The following USP54 variants were observed in gnomAD, a reference collection of about 807,000 sequenced individuals.
The protein encoded by USP54 is ubiquitin specific peptidase 54.
Under a neutral mutation model 170.5 loss-of-function variants are expected in USP54, and 87 were observed. The observed-to-expected ratio is 0.51, with a 90% CI of 0.43 to 0.61. The LOEUF is 0.61. USP54 is among the 20% of genes least tolerant of loss of function. USP54 has a pLI of 0.00. For missense variants in USP54, 1,786 were observed against 2,047.8 expected (o/e 0.87, Z 2.47); for synonymous variants, 655 against 742.8 (o/e 0.88, Z 1.92).
intron 1 of USP54, among the ~76,000 whole-genome samples, chr10:73,625,274 T>A (rs2081435260): frequency 6.7e-6 from 1 of 148,214 alleles, no homozygotes. Flanking sequence ...CTACTCGTAG[T>A]TTCTCAGCGA....
intron 4 of USP54, among the ~76,000 whole-genome samples, chr10:73,570,144 T>C (rs1259124173): frequency 6.6e-6 from 1 of 151,968 alleles, no homozygotes; most frequent in African/African-American, 2.4e-5. Flanking sequence ...CAAAAATGAC[T>C]GTGGAAGCTT....
chr10:73,550,114 G>A (rs1196948530), intron 4 of USP54, among the ~76,000 whole-genome samples: 1 of 152,088 alleles, frequency 6.6e-6, no homozygotes, highest in African/African-American at 2.4e-5. Flanking sequence ...AGTAGAGGCC[G>A]GGTTTTGCTA....
At chr10:73,563,365 T>C (rs1286100211) in intron 4 of USP54, among the ~76,000 whole-genome samples, 2 of 152,162 alleles carry the variant, frequency 1.3e-5, no homozygotes, top group Non-Finnish European at 2.9e-5. Flanking sequence ...TCAGGGGTTA[T>C]TTGGGTTTCC....
chr10:73,500,614 T>C (rs763712222), intron 23 of USP54, 41 bp downstream of exon 23: 2 of 1,544,442 alleles, frequency 1.3e-6, no homozygotes, highest in South Asian at 1.2e-5. Context: ...CCTGAAAAGG[T>C]ACCAAATTCT....
Position 73,516,950 on chromosome 10 carries a change from A to G in USP54, c.3476T>C (p.Leu1159Pro). 1 of 1,614,186 alleles carries G rather than the reference A, an allele frequency of 6.2e-7. No individual in the cohort carries two copies. The highest frequency in any genetic ancestry group is 1.3e-5 in the African/African-American group (1 of 75,030). ...ATCAGAAGGGGAAGAGTTCTTCCTT[A>G]GACTACCTGACAAACTTCTATCCTT... The part of the protein sequence containing the change: ...GFKDRSLSGS[L>P]RKNSSPSDSK... The change falls in exon 20 of 24, where the codon CTA becomes CCA. Residue 1159 changes from leucine (L) to proline (P), a missense_variant. This residue lies in a region of USP54 where 1,418 missense variants were observed against 1,569.0 expected (regional missense o/e 0.90). Coordinates refer to ENST00000687698, the MANE Select transcript of USP54 (RefSeq NM_001391956.1).
rs1471152115 is a variant in USP54 at position 73,534,789 on chromosome 10, A to G, written c.1145-19T>C. 1 of 1,610,864 alleles carries G rather than the reference A, an allele frequency of 6.2e-7. No homozygotes were observed. The highest frequency in any genetic ancestry group is 8.5e-7 in the Non-Finnish European group (1 of 1,178,046). ...TCCCTCCCTGAGAGGAGGAGGAAAC[A>G]CATATGCAAAAAGTGAGGAAACAGA... On this transcript the variant is annotated intron_variant, in intron 11 of 23. Transcript: ENST00000687698.
chr10:73,569,025 T>C (rs1234631994), intron 4 of USP54, among the ~76,000 whole-genome samples: 3 of 152,294 alleles, frequency 2.0e-5, no homozygotes, highest in South Asian at 4.1e-4. Context: ...ATGAAGAGTA[T>C]AGCACAGTCC....
At chr10:73,625,837 A>G (rs1408606838), upstream of USP54, 1 of 151,950 alleles carries the variant, frequency 6.6e-6, no homozygotes, top group East Asian at 2.0e-4. Context: ...ACTCAGGTCC[A>G]TTCCTCCCGC....
intron 22 of USP54, among the ~76,000 whole-genome samples, chr10:73,502,462 G>A (rs1007440516): frequency 2.0e-5 from 3 of 152,142 alleles, no homozygotes; most frequent in African/African-American, 4.8e-5. Context: ...ACAGGCACCC[G>A]CCACCGCGCC....
intron 1 of USP54, among the ~76,000 whole-genome samples, chr10:73,605,815 G>A (rs1034512061): frequency 7.9e-5 from 12 of 152,110 alleles, no homozygotes; most frequent in Non-Finnish European, 7.4e-5. Flanking sequence ...TTGGATGGTG[G>A]TGGCTAGGCA....
At chr10:73,537,640 A>T (rs1489205527) in intron 10 of USP54, among the ~76,000 whole-genome samples, 2 of 152,224 alleles carry the variant, frequency 1.3e-5, no homozygotes, top group African/African-American at 4.8e-5. Flanking sequence ...GCCCCGAGAC[A>T]AAGTAGTACC....
rs1324626405 is a variant in USP54, at chr10:73,498,100, C to G, written c.*529G>C. On this transcript the variant is annotated 3_prime_UTR_variant, in exon 24 of 24. Transcript: ENST00000687698. ...AAAACCCTTAAACAGCAGCTGCTTC[C>G]TTTTGCTAGGGGGAATGGAAGTTGG... 1 of 152,400 alleles carries G rather than the reference C, an allele frequency of 6.6e-6. No homozygotes were observed. Among genetic ancestry groups the G allele is most frequent in the East Asian group, 1.9e-4 (1 of 5,190 alleles). 9.4% of individuals were successfully genotyped at this position (152,400 alleles called of 1,614,324 possible).
intron 1 of USP54, among the ~76,000 whole-genome samples, chr10:73,576,726 A>T (rs2076163939): frequency 6.6e-6 from 1 of 152,234 alleles, no homozygotes; most frequent in Admixed American, 6.5e-5. Context: ...TTCCTTTTGG[A>T]CATTGTGAAT....
chr10:73,499,027 C>A lies in USP54; in HGVS notation c.4657G>T (p.Gly1553Trp), dbSNP rs748931999. ...CCTGGAGTAGTCAGGAATCTGGTCCCAATATGCTGGTTGGTCTCTGACCAG... is the reference window on the plus strand; with the variant it reads ...CCTGGAGTAGTCAGGAATCTGGTCCAAATATGCTGGTTGGTCTCTGACCAG... Reference protein sequence around the residue: ...APWSETNQHIGTRFLTTPGCN... With the variant: ...APWSETNQHIWTRFLTTPGCN... The change falls in exon 24 of 24, where the codon GGG becomes TGG. Residue 1553 changes from glycine to tryptophan, a missense_variant. Transcript: ENST00000687698. The A allele has an allele frequency of 6.2e-7, 1 of 1,614,090 alleles. No homozygotes were observed. The highest frequency in any genetic ancestry group is 1.1e-5 in the South Asian group (1 of 91,066).
At chr10:73,543,266 T>C (rs1382005296) in intron 5 of USP54, 135 bp from the exon 6 acceptor site, 12 of 632,068 alleles carry the variant, frequency 1.9e-5, no homozygotes, top group Non-Finnish European at 3.3e-5. Context: ...AATTTTTAGT[T>C]TAAAAAAATT....
chr10:73,614,755 C>T (rs1260633366), intron 1 of USP54, among the ~76,000 whole-genome samples: 1 of 149,402 alleles, frequency 6.7e-6, no homozygotes, highest in Non-Finnish European at 1.5e-5. Context: ...AAGATAAATT[C>T]CAAATCAGTT....
At chr10:73,564,905 A>C (rs2073925983) in intron 4 of USP54, among the ~76,000 whole-genome samples, 3 of 138,922 alleles carry the variant, frequency 2.2e-5, no homozygotes, top group African/African-American at 7.5e-5. Flanking sequence ...CTCTACCAAA[A>C]AAAAAAAAAA....
intron 1 of USP54, chr10:73,625,490 A>C (rs2081460724): frequency 1.3e-5 from 2 of 151,812 alleles, no homozygotes; most frequent in Non-Finnish European, 2.9e-5. Context: ...TAAAGGTCTG[A>C]TCCCTTCTCC....
At chr10:73,539,670 G>C in intron 9 of USP54, 77 bp from the exon 10 acceptor site, 2 of 1,414,372 alleles carry the variant, frequency 1.4e-6, no homozygotes, top group Non-Finnish European at 1.9e-6. Context: ...GACTCCACCA[G>C]CATTTCTTAA....
Sources: gnomAD v4.1 joint callset for allele counts (sites outside exome capture counted in the v4.1 genomes callset) on GRCh38, gnomAD v4.1.1 for gene constraint, gnomAD v4.1.1 regional missense constraint, MANE v1.5 for transcripts, NCBI Gene and HGNC (gene_info 2026-07-23, HGNC 2026-07-21) for gene names.